POPDC3: variants seen among roughly 807,000 people sequenced by gnomAD.
POPDC3 encodes the protein popeye domain-containing protein 3.
POPDC3 carries 20 observed loss-of-function variants against 28.2 expected under a neutral mutation model. The ratio of observed to expected loss-of-function variants is 0.71; its 90% CI spans 0.50 to 1.03. POPDC3 has a LOEUF of 1.03. POPDC3 is among the 50% of genes least tolerant of loss of function. POPDC3 has a pLI of 0.00. For synonymous variants in POPDC3, 118 were observed against 124.1 expected (o/e 0.95, Z 0.33); for missense variants, 316 against 345.9 (o/e 0.91, Z 0.69).
chr6:105,171,270 C>T (rs556015449), intron 1 of POPDC3, among the ~76,000 whole-genome samples: 10 of 152,238 alleles, frequency 6.6e-5, no homozygotes, highest in South Asian at 4.1e-4. Flanking sequence ...TTCCCTAATA[C>T]GTCAATTTTT....
At position 105,161,775 on chromosome 6, in the gene POPDC3, A is replaced by T; in HGVS notation, c.135T>A (p.Ser45Arg). ...ILFVVGFMGG[S>R]GFFGLLYVFS... is the part of the protein sequence containing the mutation. ...AGACATAAAGGAGCCCGAAGAATCC[A>T]CTGCCACCCATGAAACCTACTACAA... The change falls in exon 2 of 4, where the codon AGT becomes AGA. Residue 45 changes from serine to arginine, a missense_variant. Transcript: ENST00000254765. 6.2e-7 allele frequency: 1 copy of T among 1,614,226 alleles called. No individual in the cohort carries two copies. Among genetic ancestry groups the T allele is most frequent in the Non-Finnish European group, 8.5e-7 (1 of 1,180,046 alleles).
Position 105,161,577 on chromosome 6 carries a change from C to T in POPDC3, c.333G>A (p.Leu111=). 1 of 1,614,054 alleles carries T rather than the reference C, an allele frequency of 6.2e-7. No individual in the cohort carries two copies. The highest frequency in any genetic ancestry group is 8.5e-7 in the Non-Finnish European group (1 of 1,180,016). ...SITFAREFQV[L]YSSLFQPLGI... Reference sequence around the variant, plus strand: ...CCAGGGGCTGGAAAAGGGAGCTGTACAACACTTGGAATTCTCGGGCAAAGG... The same window carrying T: ...CCAGGGGCTGGAAAAGGGAGCTGTATAACACTTGGAATTCTCGGGCAAAGG... The change falls in exon 2 of 4, where the codon TTG becomes TTA. Residue 111 remains leucine, a synonymous_variant. Coordinates refer to ENST00000254765, the MANE Select transcript of POPDC3 (RefSeq NM_022361.5).
chr6:105,158,911 AT>A (rs1174369660), intron 3 of POPDC3, 160 bp from the exon 4 acceptor site: 18 of 550,108 alleles, frequency 3.3e-5, no homozygotes, highest in Non-Finnish European at 5.4e-5. Context: ...AAACTACAAA[AT>A]TCGTTACTAC....
At position 105,158,573 on chromosome 6, in the gene POPDC3, T is replaced by C. The variant is rs1430966757; in HGVS notation, c.773A>G (p.Tyr258Cys). ...ATAGAAGTTGGGTAGCCGAATATCA[T>C]AGTGATATCTTTTTCCTATATATAC... ...DRVYIGKRYH[Y>C]DIRLPNFYQM... Residue 258 changes from tyrosine (Y) to cysteine (C), a missense_variant, in exon 4 of 4, where the codon TAT becomes TGT. Physicochemically the swap from Tyr to Cys is radical, Grantham distance 194 (BLOSUM62 -2). Coordinates refer to ENST00000254765, the MANE Select transcript of POPDC3 (RefSeq NM_022361.5). The C allele has an allele frequency of 3.7e-6, 6 of 1,614,008 alleles. No individual in the cohort carries two copies. The highest frequency in any genetic ancestry group is 2.2e-5 in the South Asian group (2 of 91,092).
chr6:105,174,198 C>T (rs770762891), intron 1 of POPDC3, among the ~76,000 whole-genome samples: 18 of 152,140 alleles, frequency 1.2e-4, no homozygotes, highest in East Asian at 1.9e-4. Flanking sequence ...CTACCACACC[C>T]GGCTAATTTT....
intron 1 of POPDC3, among the ~76,000 whole-genome samples, chr6:105,172,277 GA>G: frequency 6.6e-6 from 1 of 151,176 alleles, no homozygotes; most frequent in East Asian, 1.9e-4. Context: ...AAAAACACAT[GA>G]AAAAATGCTC....
At position 105,163,993 on chromosome 6, in the gene POPDC3, A is replaced by G. The variant is rs150134642; in HGVS notation, c.-251-1833T>C. The stretch of plus-strand genomic sequence containing the variant: ...TAAACAAAGCACAAAATTTTATTCT[A>G]CTGGGTATTACAACAAAGAAAAATT... On this transcript the variant is annotated intron_variant, in intron 1 of 3. Coordinates refer to ENST00000254765, the MANE Select transcript of POPDC3 (RefSeq NM_022361.5). Among the ~76,000 whole-genome samples the G allele has an allele frequency of 5.9e-5, 9 of 152,336 alleles. No homozygotes were observed. The East Asian group carries it at 1.7e-3, about 29-fold the overall frequency.
At position 105,162,994 on chromosome 6, in the gene POPDC3, G is replaced by A. The variant is rs375763926; in HGVS notation, c.-251-834C>T. Among the ~76,000 whole-genome samples, 14 of 152,274 alleles carry A rather than the reference G, an allele frequency of 9.2e-5. No homozygotes were observed. In the South Asian group the frequency reaches 2.7e-3, roughly 29 times the overall value. On this transcript the variant is annotated intron_variant, in intron 1 of 3. Transcript: ENST00000254765. Reference sequence around the variant, plus strand: ...GTCACTGGCAGAGCAGAACTTTGGCGCTCATGCCCATATGCTGGGTCCAAT... The same window carrying A: ...GTCACTGGCAGAGCAGAACTTTGGCACTCATGCCCATATGCTGGGTCCAAT...
At chr6:105,159,426 TA>T (rs1191309475) in intron 3 of POPDC3, among the ~76,000 whole-genome samples, 6 of 152,248 alleles carry the variant, frequency 3.9e-5, no homozygotes, top group Admixed American at 3.9e-4. Context: ...ATCTCAATTA[TA>T]TTTTAATTCC....
At chr6:105,167,936 A>G (rs1435518524) in intron 1 of POPDC3, among the ~76,000 whole-genome samples, 11 of 152,198 alleles carry the variant, frequency 7.2e-5, no homozygotes, top group African/African-American at 2.4e-4. Context: ...GCTGGTCTAG[A>G]GTCTCTCAAG....
rs142102678 is a variant in POPDC3 at position 105,170,144 on chromosome 6, G to A, written c.-251-7984C>T. Among the ~76,000 whole-genome samples the A allele has an allele frequency of 1.3e-3, 201 of 152,240 alleles. 1 individual carries two copies. The highest frequency in any genetic ancestry group is 4.5e-3 in the African/African-American group (186 of 41,560). On this transcript the variant is annotated intron_variant, in intron 1 of 3. Coordinates refer to ENST00000254765, the MANE Select transcript of POPDC3 (RefSeq NM_022361.5). ...TACTTCTCAAGCTTGCCATTAGATG[G>A]TTTTAAATAATTGACAGGCTCTGCT...
At chr6:105,175,970 T>C (rs548935560) in intron 1 of POPDC3, among the ~76,000 whole-genome samples, 5 of 152,326 alleles carry the variant, frequency 3.3e-5, no homozygotes, top group East Asian at 3.9e-4. Context: ...AATTAATGTA[T>C]GTTTAAAAAA....
intron 1 of POPDC3, among the ~76,000 whole-genome samples, chr6:105,162,470 G>C (rs1056411670): frequency 6.6e-6 from 1 of 152,182 alleles, no homozygotes; most frequent in Non-Finnish European, 1.5e-5. Flanking sequence ...GGTGGCGTGT[G>C]CCTGGAATCC....
intron 1 of POPDC3, among the ~76,000 whole-genome samples, chr6:105,168,451 A>G (rs1304854195): frequency 1.3e-5 from 2 of 152,214 alleles, no homozygotes; most frequent in Non-Finnish European, 2.9e-5. Context: ...ATCAGAGAAC[A>G]TGCCGACAGG....
intron 1 of POPDC3, among the ~76,000 whole-genome samples, chr6:105,163,141 T>C (rs1298916195): frequency 2.0e-5 from 3 of 152,244 alleles, no homozygotes; most frequent in Non-Finnish European, 4.4e-5. Context: ...ATGGAAATAT[T>C]TAATAAATTA....
At position 105,158,252 on chromosome 6, in the gene POPDC3, C is replaced by T; in HGVS notation, c.*218G>A. 1 of 487,034 alleles carries T rather than the reference C, an allele frequency of 2.1e-6. No homozygotes were observed. 30.2% of individuals were successfully genotyped at this position (487,034 alleles called of 1,614,324 possible). A position where few individuals can be genotyped will look rare whatever the true frequency, so the allele number is the denominator to read the frequency against. ...AGGGCAAACTGCCCATAGTTATCCA[C>T]CCCCTCCCCAATTATAACAATGAGA... On this transcript the variant is annotated 3_prime_UTR_variant, in exon 4 of 4. Coordinates refer to ENST00000254765, the MANE Select transcript of POPDC3 (RefSeq NM_022361.5).
chr6:105,169,777 G>C (rs1472566061), intron 1 of POPDC3: 1 of 152,096 alleles, frequency 6.6e-6, no homozygotes, highest in Non-Finnish European at 1.5e-5. Flanking sequence ...TTAAAGATAA[G>C]AAAATTGAGG....
chr6:105,178,503 A>G, intron 1 of POPDC3, among the ~76,000 whole-genome samples: 1 of 152,040 alleles, frequency 6.6e-6, no homozygotes, highest in Non-Finnish European at 1.5e-5. Context: ...AAATGTATAA[A>G]ATTTTGAGGA....
rs755117892 is a variant in POPDC3, at chr6:105,161,622, T to C, written c.288A>G (p.Ala96=). 2.5e-6 allele frequency: 4 copies of C among 1,614,204 alleles called. No individual in the cohort carries two copies. The highest frequency in any genetic ancestry group is 1.3e-5 in the African/African-American group (1 of 75,032). The change falls in exon 2 of 4, where the codon GCA becomes GCG. Residue 96 remains alanine, a synonymous_variant. Transcript: ENST00000254765. ...CAAAGGTTATGCTGCGAACTTGATA[T>C]GCAATATGAACAAATTGCATGAAGC... is the stretch of plus-strand genomic sequence containing the variant. The part of the protein sequence containing the change: ...VICFMQFVHI[A]YQVRSITFAR...
Sources: allele counts gnomAD v4.1 joint callset (sites outside exome capture counted in the v4.1 genomes callset), GRCh38; gene constraint gnomAD v4.1.1; transcripts MANE v1.5; gene names NCBI Gene and HGNC (gene_info 2026-07-23, HGNC 2026-07-21).